The following GNA14 variants were observed in gnomAD, a reference collection of about 807,000 sequenced individuals.
GNA14 encodes guanine nucleotide-binding protein subunit alpha-14.
In GNA14, 50 loss-of-function variants were observed where a neutral mutation model predicts 42.0. That is an observed-to-expected ratio of 1.19 (90% CI 0.95 to 1.51). The LOEUF is 1.51. Among genes scored for constraint, GNA14 ranks in the 40% most tolerant of loss-of-function variants. GNA14 has a pLI of 0.00. For missense variants in GNA14, 473 were observed against 446.2 expected, an observed-to-expected ratio of 1.06 and a Z score of -0.54; for synonymous variants, 173 against 163.1, an observed-to-expected ratio of 1.06 and a Z score of -0.46.
chr9:77,504,973 T>C (rs1837045971), intron 2 of GNA14, among the ~76,000 whole-genome samples: 1 of 152,158 alleles, frequency 6.6e-6, no homozygotes, highest in African/African-American at 2.4e-5. Flanking sequence ...CGGCCTCTAG[T>C]TGACTTTAAA....
At chr9:77,570,715 T>C (rs1823046919) in intron 1 of GNA14, among the ~76,000 whole-genome samples, 6 of 152,240 alleles carry the variant, frequency 3.9e-5, no homozygotes, top group Admixed American at 3.3e-4. Flanking sequence ...GTACAAGTTT[T>C]GTGTGGATAT....
chr9:77,618,499 C>T (rs1300441396), intron 1 of GNA14, among the ~76,000 whole-genome samples: 1 of 141,652 alleles, frequency 7.1e-6, no homozygotes, highest in African/African-American at 2.7e-5. Context: ...CCATTGTGTA[C>T]TTAAAATGTG....
intron 2 of GNA14, among the ~76,000 whole-genome samples, chr9:77,498,743 T>C (rs1836917557): frequency 6.6e-6 from 1 of 152,160 alleles, no homozygotes; most frequent in South Asian, 2.1e-4. Flanking sequence ...ATGCCATGAG[T>C]TTGGCTTTAC....
At chr9:77,457,025 TAG>T (rs1358641951) in intron 2 of GNA14, among the ~76,000 whole-genome samples, 1 of 152,228 alleles carries the variant, frequency 6.6e-6, no homozygotes, top group Non-Finnish European at 1.5e-5. Context: ...CGACGCCACG[TAG>T]TGGCAGCTTC....
Position 77,581,002 on chromosome 9 carries a change from GCACACACACA to G in GNA14, c.125-51759_125-51750del, listed in dbSNP as rs3052394. ...TTCAATGCTTAAAGATACAATAAAG[GCACACACACA>G]CACACACACACACACACACACACAC... On this transcript the variant is annotated intron_variant, in intron 1 of 6. Transcript: ENST00000341700. 4.1e-3 allele frequency among the ~76,000 whole-genome samples: 590 copies of G among 144,396 alleles called. 5 individuals are homozygous for G. Among genetic ancestry groups the G allele is most frequent in the African/African-American group, 0.014 (545 of 39,114 alleles). The allele number at this position is 144,396 out of a possible 152,430, so 94.7% of individuals were successfully genotyped here. A position where few individuals can be genotyped will look rare whatever the true frequency, so the allele number is the denominator to read the frequency against.
chr9:77,470,923 C>A (rs1237279564), intron 2 of GNA14, among the ~76,000 whole-genome samples: 3 of 152,180 alleles, frequency 2.0e-5, no homozygotes, highest in Admixed American at 6.5e-5. Flanking sequence ...ACAAGAACAG[C>A]AAGGGGGAAA....
chr9:77,589,128 C>T (rs1316050382), intron 1 of GNA14, among the ~76,000 whole-genome samples: 3 of 152,186 alleles, frequency 2.0e-5, no homozygotes, highest in Non-Finnish European at 2.9e-5. Context: ...TATTATAGCT[C>T]AGTAACTTTT....
intron 1 of GNA14, among the ~76,000 whole-genome samples, chr9:77,621,809 C>T (rs917220373): frequency 1.1e-4 from 17 of 152,186 alleles, no homozygotes; most frequent in African/African-American, 3.4e-4. Flanking sequence ...AACAAAGAAG[C>T]CGCATTTAAA....
intron 2 of GNA14, among the ~76,000 whole-genome samples, chr9:77,479,971 A>C (rs1042281925): frequency 6.6e-6 from 1 of 152,186 alleles, no homozygotes; most frequent in African/African-American, 2.4e-5. Context: ...GGGGTTTTCT[A>C]GGTATACAAT....
chr9:77,635,381 A>G (rs1468284656), intron 1 of GNA14: 5 of 152,226 alleles, frequency 3.3e-5, no homozygotes, highest in African/African-American at 1.2e-4. Flanking sequence ...ACTATTTTCA[A>G]GATCGCATAT....
chr9:77,537,264 A>G (rs1413222037), intron 1 of GNA14, among the ~76,000 whole-genome samples: 2 of 151,814 alleles, frequency 1.3e-5, no homozygotes, highest in Non-Finnish European at 2.9e-5. Flanking sequence ...TTTGGTATTT[A>G]TTATTCTATT....
In GNA14 at chr9:77,566,145, CTTTTT is replaced by C. The variant is rs956489720; in HGVS notation, c.125-36897_125-36893del. On this transcript the variant is annotated intron_variant, in intron 1 of 6. Coordinates refer to ENST00000341700, the MANE Select transcript of GNA14 (RefSeq NM_004297.4). ...TCCTTGTCCACAAGTGGGAGTGCTTCTTTTTTTTTTTTTTTTTTTTTTTTTCTGAG... is the reference window on the plus strand; with the variant it reads ...TCCTTGTCCACAAGTGGGAGTGCTTCTTTTTTTTTTTTTTTTTTTTCTGAG... 3.7e-4 allele frequency among the ~76,000 whole-genome samples: 38 copies of C among 102,494 alleles called. 1 individual carries two copies. The highest frequency in any genetic ancestry group is 1.3e-3 in the African/African-American group (32 of 25,218). The allele number at this position is 102,494 out of a possible 152,430, so 67.2% of individuals were successfully genotyped here.
chr9:77,479,708 T>A (rs1564026801), intron 2 of GNA14, among the ~76,000 whole-genome samples: 1 of 152,224 alleles, frequency 6.6e-6, no homozygotes, highest in Non-Finnish European at 1.5e-5. Flanking sequence ...CATTTGTTTG[T>A]ATTCTCTTTT....
At chr9:77,493,394 G>A (rs537490331) in intron 2 of GNA14, among the ~76,000 whole-genome samples, 1 of 152,214 alleles carries the variant, frequency 6.6e-6, no homozygotes, top group East Asian at 1.9e-4. Context: ...CAATGAAGGT[G>A]CCTATTTTGT....
At chr9:77,581,397 C>CT (rs1823221982) in intron 1 of GNA14, among the ~76,000 whole-genome samples, 1 of 152,192 alleles carries the variant, frequency 6.6e-6, no homozygotes, top group South Asian at 2.1e-4. Context: ...TCTCTGTGCC[C>CT]TGGTTTCCTC....
intron 6 of GNA14, 23 bp downstream of exon 6, chr9:77,425,539 C>A: frequency 6.4e-7 from 1 of 1,568,690 alleles, no homozygotes. Flanking sequence ...ACAGAAAACA[C>A]TGTCCACAAG....
intron 1 of GNA14, among the ~76,000 whole-genome samples, chr9:77,569,275 T>C (rs1823023320): frequency 6.6e-6 from 1 of 152,124 alleles, no homozygotes; most frequent in Non-Finnish European, 1.5e-5. Flanking sequence ...GGTTGTGACA[T>C]GGTAACTAGC....
chr9:77,446,323 A>G (rs1031587303), intron 2 of GNA14, among the ~76,000 whole-genome samples: 2 of 152,234 alleles, frequency 1.3e-5, no homozygotes, highest in African/African-American at 4.8e-5. Flanking sequence ...CAAGGCTTCA[A>G]TTTAAGAACA....
At chr9:77,440,255 C>G (rs1835710038) in intron 2 of GNA14, among the ~76,000 whole-genome samples, 1 of 152,250 alleles carries the variant, frequency 6.6e-6, no homozygotes, top group South Asian at 2.1e-4. Context: ...GTAAAAGGAG[C>G]TGCTGATGAA....
Sources: allele counts gnomAD v4.1 joint callset (sites outside exome capture counted in the v4.1 genomes callset), GRCh38; gene constraint gnomAD v4.1.1; transcripts MANE v1.5; gene names NCBI Gene and HGNC (gene_info 2026-07-23, HGNC 2026-07-21).